The following DNAJC18 variants were observed in gnomAD, a reference collection of about 807,000 sequenced individuals.
The protein encoded by DNAJC18 is dnaJ homolog subfamily C member 18.
Under a neutral mutation model 48.6 loss-of-function variants are expected in DNAJC18, and 40 were observed. The observed-to-expected ratio is 0.82, with a 90% CI of 0.64 to 1.07. The LOEUF (loss-of-function observed/expected upper bound fraction) is 1.07. Among genes scored for constraint, DNAJC18 ranks in the 50% least tolerant of loss-of-function variants. The pLI, the probability that DNAJC18 is intolerant of heterozygous loss-of-function variation, is 0.00. For synonymous variants in DNAJC18, 135 were observed against 152.2 expected (o/e 0.89, Z 0.83); for missense variants, 340 against 427.7 (o/e 0.79, Z 1.81).
At chr5:139,425,697 T>C (rs1339737914) in intron 4 of DNAJC18, among the ~76,000 whole-genome samples, 1 of 152,192 alleles carries the variant, frequency 6.6e-6, no homozygotes, top group African/African-American at 2.4e-5. Context: ...ATCTGGCATG[T>C]TCACGTCTGC....
In DNAJC18 at chr5:139,426,466, G is replaced by A. The variant is rs553926370; in HGVS notation, c.374-109C>T. 9.2e-5 allele frequency: 121 copies of A among 1,317,888 alleles called. No homozygotes were observed. The African/African-American group carries it at 1.5e-3, about 16-fold the overall frequency. The allele number at this position is 1,317,888 out of a possible 1,614,324, so 81.6% of individuals were successfully genotyped here. A position where few individuals can be genotyped will look rare whatever the true frequency, so the allele number is the denominator to read the frequency against. On this transcript the variant is annotated intron_variant, in intron 3 of 7. Coordinates refer to ENST00000302060, the MANE Select transcript of DNAJC18 (RefSeq NM_152686.4). Reference sequence around the variant, plus strand: ...GAGGTGACTCGTGCTGGACAACTTCGCAGGGGCCCAAGAAGAGATGCTTGG... The same window carrying A: ...GAGGTGACTCGTGCTGGACAACTTCACAGGGGCCCAAGAAGAGATGCTTGG...
intron 5 of DNAJC18, among the ~76,000 whole-genome samples, 158 bp downstream of exon 5, chr5:139,424,847 A>G (rs1759210974): frequency 6.6e-6 from 1 of 150,512 alleles, no homozygotes; most frequent in Admixed American, 6.6e-5. Context: ...ATTTAGGCCA[A>G]TTTTCCAGCT....
At chr5:139,438,844 T>G (rs1220361379) in intron 1 of DNAJC18, among the ~76,000 whole-genome samples, 1 of 152,220 alleles carries the variant, frequency 6.6e-6, no homozygotes, top group Non-Finnish European at 1.5e-5. Context: ...TAATTGGCTG[T>G]TCAGTCGTCA....
rs779334608 is a variant in DNAJC18 at position 139,428,683 on chromosome 5, C to A, written c.228G>T (p.Arg76Ser). The change falls in exon 3 of 8, where the codon AGG (arginine) becomes AGT (serine). Residue 76 changes from arginine to serine, a missense_variant and splice_region_variant. Physicochemically the swap from Arg to Ser is moderately radical, Grantham distance 110. Coordinates refer to ENST00000302060, the MANE Select transcript of DNAJC18 (RefSeq NM_152686.4). ...YSEEQLLGVQ[R>S]IKKCRNYYEI... is the part of the protein sequence containing the mutation. Reference sequence around the variant, plus strand: ...CATAGTAATTTCTGCATTTCTTGATCCTAAAAAAAATCACAAGCATGTATG... The same window carrying A: ...CATAGTAATTTCTGCATTTCTTGATACTAAAAAAAATCACAAGCATGTATG... The A allele has an allele frequency of 1.9e-6, 3 of 1,606,604 alleles. No individual in the cohort carries two copies. Among genetic ancestry groups the A allele is most frequent in the Middle Eastern group, 3.4e-4 (2 of 5,962 alleles).
intron 4 of DNAJC18, 35 bp downstream of exon 4, chr5:139,426,137 A>C: frequency 6.3e-7 from 1 of 1,593,222 alleles, no homozygotes; most frequent in Non-Finnish European, 8.5e-7. Flanking sequence ...TAAATAAAGA[A>C]ATATGTTTAA....
Position 139,413,986 on chromosome 5 carries a change from C to A in DNAJC18, c.*162G>T. On this transcript the variant is annotated 3_prime_UTR_variant, in exon 8 of 8. Transcript: ENST00000302060. ...CCCCAGGAAGGATCCTGTGAAGACA[C>A]ATCTGGCTCTCGTGCCCATGCTCCT... 1.0e-6 allele frequency: 1 copy of A among 1,004,140 alleles called. No homozygotes were observed. The highest frequency in any genetic ancestry group is 1.4e-6 in the Non-Finnish European group (1 of 705,308). 62.2% of individuals were successfully genotyped at this position (1,004,140 alleles called of 1,614,324 possible).
chr5:139,414,089 C>A lies in DNAJC18; in HGVS notation c.*59G>T. 1.3e-6 allele frequency: 2 copies of A among 1,575,170 alleles called. No homozygotes were observed. Among genetic ancestry groups the A allele is most frequent in the Non-Finnish European group, 1.7e-6 (2 of 1,164,890 alleles). On this transcript the variant is annotated 3_prime_UTR_variant, in exon 8 of 8. Coordinates refer to ENST00000302060, the MANE Select transcript of DNAJC18 (RefSeq NM_152686.4). ...CTAGTTTTGTATTATAAAATGGAAT[C>A]AGGAACATAAATAGGAACAAGTAGC...
chr5:139,428,630 C>T lies in DNAJC18; in HGVS notation c.281G>A (p.Ser94Asn). Residue 94 changes from serine to asparagine, a missense_variant, in exon 3 of 8, where the codon AGT becomes AAT. By Grantham distance (46) the Ser-to-Asn change is conservative (BLOSUM62 1). Transcript: ENST00000302060. ...YEILGVSRDA[S>N]DEELKKAYRK... Reference sequence around the variant, plus strand: ...GTAAGCTTTCTTAAGCTCTTCGTCACTAGCATCTCGAGAAACTCCCAGAAT... The same window carrying T: ...GTAAGCTTTCTTAAGCTCTTCGTCATTAGCATCTCGAGAAACTCCCAGAAT... 6.2e-7 allele frequency: 1 copy of T among 1,613,322 alleles called. No homozygotes were observed. The highest frequency in any genetic ancestry group is 8.5e-7 in the Non-Finnish European group (1 of 1,179,838).
At chr5:139,427,373 C>G (rs898310872) in intron 3 of DNAJC18, among the ~76,000 whole-genome samples, 3 of 151,708 alleles carry the variant, frequency 2.0e-5, no homozygotes, top group African/African-American at 7.3e-5. Flanking sequence ...ATAGAAACCT[C>G]AAAAAAAAGA....
At chr5:139,432,397 T>C (rs538770427) in intron 2 of DNAJC18, among the ~76,000 whole-genome samples, 2 of 152,274 alleles carry the variant, frequency 1.3e-5, no homozygotes, top group South Asian at 4.1e-4. Context: ...ACTCCTGACC[T>C]TGTGATCCAC....
At position 139,435,705 on chromosome 5, in the gene DNAJC18, G is replaced by GTTTTTT. The variant is rs377125785; in HGVS notation, c.227+1661_227+1666dup. On this transcript the variant is annotated intron_variant, in intron 2 of 7. Transcript: ENST00000302060. ...GGGCCTGGACTTTTCTTCATTGGAA[G>GTTTTTT]TTTTTTTTTTTTTTTTTTTTTTTTT... Among the ~76,000 whole-genome samples the GTTTTTT allele has an allele frequency of 1.4e-3, 57 of 41,192 alleles. 15 individuals carry two copies. Among genetic ancestry groups the GTTTTTT allele is most frequent in the East Asian group, 0.011 (8 of 742 alleles). The allele number at this position is 41,192 out of a possible 152,430, so 27.0% of individuals were successfully genotyped here.
intron 2 of DNAJC18, among the ~76,000 whole-genome samples, chr5:139,429,080 C>CTTTTTTTT (rs559935676): frequency 9.6e-5 from 11 of 114,580 alleles, no homozygotes; most frequent in Admixed American, 1.8e-4. Context: ...GTATTTTTTG[C>CTTTTTTTT]TTTTTTTTTT....
rs1030367641 is a variant in DNAJC18 at position 139,410,298 on chromosome 5, A to G, written c.*3850T>C. 2 of 152,206 alleles carry G rather than the reference A, an allele frequency of 1.3e-5. No homozygotes were observed. The highest frequency in any genetic ancestry group is 4.8e-5 in the African/African-American group (2 of 41,460). The allele number at this position is 152,206 out of a possible 1,614,324, so 9.4% of individuals were successfully genotyped here. ...GTGGCCAGATTTTTTCAAGATTCTT[A>G]GTCCACCAGGAGCTGATTCCATTTG... On this transcript the variant is annotated 3_prime_UTR_variant, in exon 8 of 8. Coordinates refer to ENST00000302060, the MANE Select transcript of DNAJC18 (RefSeq NM_152686.4).
intron 2 of DNAJC18, among the ~76,000 whole-genome samples, chr5:139,431,408 C>G (rs1488300677): frequency 6.6e-6 from 1 of 152,156 alleles, no homozygotes; most frequent in African/African-American, 2.4e-5. Flanking sequence ...ACTTTCCCCT[C>G]TATAGATTTG....
At chr5:139,436,736 C>T (rs1441837030) in intron 2 of DNAJC18, among the ~76,000 whole-genome samples, 1 of 151,720 alleles carries the variant, frequency 6.6e-6, no homozygotes, top group African/African-American at 2.4e-5. Flanking sequence ...TGTCTAGTTC[C>T]TTAAGGTAGA....
intron 2 of DNAJC18, among the ~76,000 whole-genome samples, chr5:139,435,867 G>A (rs563291995): frequency 5.9e-5 from 9 of 151,416 alleles, no homozygotes; most frequent in East Asian, 3.9e-4. Context: ...CACCATGCTC[G>A]GCTAATTTTT....
At chr5:139,428,710 CT>C in intron 2 of DNAJC18, 27 bp from the exon 3 acceptor site, 1 of 1,595,346 alleles carries the variant, frequency 6.3e-7, no homozygotes, top group Non-Finnish European at 8.5e-7. Context: ...GCATGTATGT[CT>C]ATAAAGGTCC....
chr5:139,424,063 G>A (rs1017464001), intron 5 of DNAJC18, among the ~76,000 whole-genome samples: 1 of 152,158 alleles, frequency 6.6e-6, no homozygotes, highest in East Asian at 1.9e-4. Context: ...AGGTAATCAC[G>A]TTTTCTCTCC....
intron 2 of DNAJC18, among the ~76,000 whole-genome samples, chr5:139,437,073 A>C (rs1241013375): frequency 6.6e-6 from 1 of 152,194 alleles, no homozygotes; most frequent in Non-Finnish European, 1.5e-5. Flanking sequence ...ATCCTGGAGA[A>C]TATTCTATGT....
Sources: allele counts gnomAD v4.1 joint callset (sites outside exome capture counted in the v4.1 genomes callset), GRCh38; gene constraint gnomAD v4.1.1; transcripts MANE v1.5; gene names NCBI Gene and HGNC (gene_info 2026-07-23, HGNC 2026-07-21).